The following ATL1 variants were observed in gnomAD, a reference collection of about 807,000 sequenced individuals.
ATL1 encodes atlastin GTPase 1, also known as atlastin-1.
A neutral mutation model predicts 75.5 loss-of-function variants in ATL1; 31 were observed. The observed-to-expected ratio is 0.41, with a 90% CI of 0.31 to 0.55. The LOEUF (loss-of-function observed/expected upper bound fraction) is 0.55. ATL1 is among the 20% of genes least tolerant of loss of function. The pLI is 0.27. For synonymous variants in ATL1, 226 were observed against 233.3 expected, an observed-to-expected ratio of 0.97 and a Z score of 0.28; for missense variants, 405 against 662.6, an observed-to-expected ratio of 0.61 and a Z score of 4.27.
At position 50,632,312 on chromosome 14, in the gene ATL1, T is replaced by G. The variant is rs1486848170; in HGVS notation, c.1650T>G (p.Thr550=). ...TCCCTACACCAAAGTCGGAATCTACTGAACAATCAGAAAAGAAAAAAATGT... is the reference window on the plus strand; with the variant it reads ...TCCCTACACCAAAGTCGGAATCTACGGAACAATCAGAAAAGAAAAAAATGT... ...QAFPTPKSES[T]EQSEKKKM Residue 550 remains threonine (T), a synonymous_variant, in exon 14 of 14, where the codon ACT becomes ACG. Coordinates refer to ENST00000358385, the MANE Select transcript of ATL1 (RefSeq NM_015915.5). 8 of 1,612,814 alleles carry G rather than the reference T, an allele frequency of 5.0e-6. No homozygotes were observed. The highest frequency in any genetic ancestry group is 6.8e-6 in the Non-Finnish European group (8 of 1,178,998).
chr14:50,630,549 T>A (rs1266750873), intron 13 of ATL1, among the ~76,000 whole-genome samples: 4 of 152,192 alleles, frequency 2.6e-5, no homozygotes, highest in Non-Finnish European at 5.9e-5. Context: ...CAACACTACA[T>A]ATCTCAGAAA....
chr14:50,596,842 GA>G (rs2039222155), intron 6 of ATL1, among the ~76,000 whole-genome samples: 1 of 151,646 alleles, frequency 6.6e-6, no homozygotes, highest in African/African-American at 2.4e-5. Context: ...TACTTAGAGG[GA>G]AAAAAATATA....
At chr14:50,539,347 G>A (rs2038533254) in intron 1 of ATL1, among the ~76,000 whole-genome samples, 1 of 152,216 alleles carries the variant, frequency 6.6e-6, no homozygotes, top group African/African-American at 2.4e-5. Flanking sequence ...GACTGCTTCT[G>A]TGAGAGTACA....
intron 8 of ATL1, 39 bp downstream of exon 8, chr14:50,614,550 C>T (rs755330820): frequency 1.9e-6 from 3 of 1,603,780 alleles, no homozygotes; most frequent in Admixed American, 1.7e-5. Context: ...ATCACTTAGT[C>T]TGATTATAAA....
At position 50,587,343 on chromosome 14, in the gene ATL1, TC is replaced by T. The variant is rs1226659680; in HGVS notation, c.35-486del. 6.6e-5 allele frequency among the ~76,000 whole-genome samples: 10 copies of T among 152,226 alleles called. No individual in the cohort carries two copies. In the South Asian group the frequency reaches 2.1e-3, roughly 32 times the overall value. On this transcript the variant is annotated intron_variant, in intron 1 of 13. Transcript: ENST00000358385. ...GATCAGAAAGAACAAATGTAAGTCC[TC>T]CTGGGATATAGTGTGAATGACATTA...
At chr14:50,558,636 T>G (rs1251778335), upstream of ATL1, among the ~76,000 whole-genome samples, 1 of 152,240 alleles carries the variant, frequency 6.6e-6, no homozygotes, top group East Asian at 1.9e-4. Flanking sequence ...GGTGTTGAAT[T>G]ATATAAATTT....
At chr14:50,550,878 G>A (rs187208402) in intron 1 of ATL1, among the ~76,000 whole-genome samples, 6 of 152,034 alleles carry the variant, frequency 3.9e-5, no homozygotes, top group South Asian at 2.1e-4. Context: ...TATCAAAACC[G>A]CTGGGATACA....
At chr14:50,614,343 T>C in intron 7 of ATL1, 30 bp from the exon 8 acceptor site, 1 of 1,612,798 alleles carries the variant, frequency 6.2e-7, no homozygotes, top group Non-Finnish European at 8.5e-7. Flanking sequence ...GTGATGAAAG[T>C]AGTTTAAACT....
chr14:50,548,309 G>A (rs935834764), intron 1 of ATL1, among the ~76,000 whole-genome samples: 1 of 152,110 alleles, frequency 6.6e-6, no homozygotes, highest in Non-Finnish European at 1.5e-5. Context: ...TAATGAAGAA[G>A]AGTAAAAAAT....
At chr14:50,620,237 G>A (rs1031795440) in intron 8 of ATL1, among the ~76,000 whole-genome samples, 2 of 152,138 alleles carry the variant, frequency 1.3e-5, no homozygotes, top group South Asian at 2.1e-4. Flanking sequence ...CAGCCTGGGC[G>A]ACAGAGCAAG....
At chr14:50,571,617 C>T (rs568497875) in intron 1 of ATL1, among the ~76,000 whole-genome samples, 25 of 152,128 alleles carry the variant, frequency 1.6e-4, no homozygotes, top group Non-Finnish European at 3.1e-4. Flanking sequence ...TTTGTTAATA[C>T]GTTTAATTAG....
At chr14:50,585,341 A>G (rs771501401) in intron 1 of ATL1, among the ~76,000 whole-genome samples, 7 of 152,234 alleles carry the variant, frequency 4.6e-5, no homozygotes, top group Non-Finnish European at 8.8e-5. Context: ...ATTTCAGTCT[A>G]TAGAAAGTTA....
chr14:50,602,291 G>A (rs917332976), intron 6 of ATL1, among the ~76,000 whole-genome samples: 2 of 152,166 alleles, frequency 1.3e-5, no homozygotes, highest in African/African-American at 4.8e-5. Context: ...TCTCAGTTCT[G>A]CTGGGCTGTG....
chr14:50,553,949 G>A (rs1305712002), intron 1 of ATL1, among the ~76,000 whole-genome samples: 1 of 152,092 alleles, frequency 6.6e-6, no homozygotes, highest in East Asian at 1.9e-4. Flanking sequence ...GGGGACTCCG[G>A]GCAAAGGGTC....
intron 6 of ATL1, among the ~76,000 whole-genome samples, chr14:50,611,119 T>A (rs1282001961): frequency 1.3e-5 from 2 of 152,064 alleles, no homozygotes; most frequent in Non-Finnish European, 2.9e-5. Context: ...ATCTCAGTGG[T>A]CATCTTGGCC....
chr14:50,619,494 C>T (rs1398394422), intron 8 of ATL1, among the ~76,000 whole-genome samples: 1 of 152,194 alleles, frequency 6.6e-6, no homozygotes, highest in East Asian at 1.9e-4. Flanking sequence ...GGAGCCACTG[C>T]ACCCGGCCCC....
At chr14:50,612,023 A>C (rs1215585885) in intron 6 of ATL1, among the ~76,000 whole-genome samples, 2 of 152,208 alleles carry the variant, frequency 1.3e-5, no homozygotes, top group Admixed American at 1.3e-4. Context: ...GCCCATCTAC[A>C]GAATGAATTA....
At chr14:50,579,851 G>A (rs1225102078) in intron 1 of ATL1, among the ~76,000 whole-genome samples, 2 of 152,090 alleles carry the variant, frequency 1.3e-5, no homozygotes, top group Non-Finnish European at 2.9e-5. Context: ...ATTGGCAAAT[G>A]TCACAAATCA....
chr14:50,621,805 G>A, intron 9 of ATL1, 38 bp from the exon 10 acceptor site: 2 of 1,274,570 alleles, frequency 1.6e-6, no homozygotes, highest in Non-Finnish European at 2.3e-6. Flanking sequence ...AATATTGAAT[G>A]GAATTGCTTG....
Sources: gnomAD v4.1 joint callset for allele counts (sites outside exome capture counted in the v4.1 genomes callset) on GRCh38, gnomAD v4.1.1 for gene constraint, MANE v1.5 for transcripts, NCBI Gene and HGNC (gene_info 2026-07-23, HGNC 2026-07-21) for gene names.